RIN3: variants seen among roughly 807,000 people sequenced by gnomAD.
RIN3 encodes the protein Ras and Rab interactor 3, also known as RAB5 interacting protein 3.
RIN3 carries 54 observed loss-of-function variants against 76.3 expected under a neutral mutation model. The ratio of observed to expected loss-of-function variants is 0.71; its 90% CI spans 0.57 to 0.89. The LOEUF (loss-of-function observed/expected upper bound fraction) is 0.89. Among genes scored for constraint, RIN3 ranks in the 40% least tolerant of loss-of-function variants. The pLI, the probability that RIN3 is intolerant of heterozygous loss-of-function variation, is 0.00. For synonymous variants in RIN3, 576 were observed against 564.0 expected (o/e 1.02, Z -0.30); for missense variants, 1,256 against 1,322.1 (o/e 0.95, Z 0.78).
chr14:92,544,567 AG>A (rs1481512051), intron 1 of RIN3, among the ~76,000 whole-genome samples: 1 of 152,194 alleles, frequency 6.6e-6, no homozygotes, highest in African/African-American at 2.4e-5. Context: ...TAAAATGCCA[AG>A]AAAAAACAGC....
In RIN3 at chr14:92,518,283, CT is replaced by C. The variant is rs375888724; in HGVS notation, c.44+4309del. Among the ~76,000 whole-genome samples, 33 of 152,356 alleles carry C rather than the reference CT, an allele frequency of 2.2e-4. No homozygotes were observed. The East Asian group carries it at 5.6e-3, about 26-fold the overall frequency. ...GGGTCAGGTCTTTTAGTTCCATATCCTTGTGTCCTACATGCACTTGGCACTC... is the reference window on the plus strand; with the variant it reads ...GGGTCAGGTCTTTTAGTTCCATATCCTGTGTCCTACATGCACTTGGCACTC... On this transcript the variant is annotated intron_variant, in intron 1 of 9. Transcript: ENST00000216487.
At chr14:92,574,212 C>A (rs1898148016) in intron 2 of RIN3, among the ~76,000 whole-genome samples, 1 of 152,190 alleles carries the variant, frequency 6.6e-6, no homozygotes, top group Non-Finnish European at 1.5e-5. Context: ...GGTCTTCGGT[C>A]CATGGTGAAG....
intron 8 of RIN3, among the ~76,000 whole-genome samples, chr14:92,678,086 C>A (rs998855135): frequency 2.6e-5 from 4 of 151,766 alleles, no homozygotes; most frequent in Non-Finnish European, 5.9e-5. Flanking sequence ...ATCCACCCAT[C>A]CATTCACCCA....
chr14:92,554,063 C>T (rs1897510913), intron 1 of RIN3, among the ~76,000 whole-genome samples: 1 of 152,200 alleles, frequency 6.6e-6, no homozygotes, highest in Admixed American at 6.5e-5. Context: ...CACAGAGACA[C>T]AGGGCAAGAT....
rs911923994 is a variant in RIN3 at position 92,630,305 on chromosome 14, C to A, written c.441-10933C>A. On this transcript the variant is annotated intron_variant, in intron 4 of 9. Coordinates refer to ENST00000216487, the MANE Select transcript of RIN3 (RefSeq NM_024832.5). ...CAGGAGTTCTCAAGACCAGCCTGGG[C>A]AACTTGGTAAAACCGCACTCTACTA... 1.4e-4 allele frequency among the ~76,000 whole-genome samples: 22 copies of A among 152,128 alleles called. 1 individual carries two copies. Among genetic ancestry groups the A allele is most frequent in the Non-Finnish European group, 7.4e-5 (5 of 68,026 alleles).
chr14:92,517,487 C>A (rs1020255773), intron 1 of RIN3, among the ~76,000 whole-genome samples: 4 of 152,112 alleles, frequency 2.6e-5, no homozygotes, highest in African/African-American at 9.7e-5. Context: ...GTAAATGACA[C>A]CCAAGGCCCC....
chr14:92,646,704 GT>G (rs1248435249), intron 5 of RIN3, among the ~76,000 whole-genome samples: 1 of 152,210 alleles, frequency 6.6e-6, no homozygotes, highest in East Asian at 1.9e-4. Context: ...GCCTCCCAAA[GT>G]GCTGGGATTA....
chr14:92,616,807 G>A (rs1885986173), intron 4 of RIN3, among the ~76,000 whole-genome samples: 1 of 152,154 alleles, frequency 6.6e-6, no homozygotes, highest in Non-Finnish European at 1.5e-5. Context: ...AGATTTAATG[G>A]GAACTTCAGG....
chr14:92,555,611 T>A (rs970258496), intron 1 of RIN3, 140 bp from the exon 2 acceptor site: 5 of 782,544 alleles, frequency 6.4e-6, no homozygotes, highest in African/African-American at 1.7e-5. Flanking sequence ...CCATGGTTTG[T>A]TGATTTTTTT....
chr14:92,569,245 C>G (rs547688675), intron 2 of RIN3, among the ~76,000 whole-genome samples: 14 of 152,312 alleles, frequency 9.2e-5, no homozygotes, highest in African/African-American at 3.1e-4. Flanking sequence ...CTAGGTGGAG[C>G]CTGAGACCAG....
intron 3 of RIN3, among the ~76,000 whole-genome samples, chr14:92,600,638 G>A (rs555581654): frequency 1.6e-4 from 24 of 152,280 alleles, no homozygotes; most frequent in South Asian, 1.2e-3. Context: ...CACTGATTTC[G>A]GGTACCCACT....
chr14:92,620,384 A>G (rs1337485366), intron 4 of RIN3, among the ~76,000 whole-genome samples: 4 of 152,234 alleles, frequency 2.6e-5, no homozygotes, highest in Admixed American at 2.6e-4. Context: ...CTCAAATTCT[A>G]TTTACAAGAG....
intron 2 of RIN3, among the ~76,000 whole-genome samples, chr14:92,572,881 T>TG (rs1898104249): frequency 1.6e-5 from 1 of 63,270 alleles, no homozygotes; most frequent in African/African-American, 4.0e-5. Context: ...TTTTTGCTTT[T>TG]TTTTTTTTTT....
chr14:92,681,901 AT>A lies in RIN3; in HGVS notation c.2468-3083del, dbSNP rs1888677068. ...TCTTATTTATTTTTATTTTTTTTTA[AT>A]TTGAGATGAAGTCTCACTCTGTCAC... On this transcript the variant is annotated intron_variant, in intron 8 of 9. Coordinates refer to ENST00000216487, the MANE Select transcript of RIN3 (RefSeq NM_024832.5). The surrounding 1 kb of genome is among the most constrained non-coding windows in gnomAD (Gnocchi z 4.7). Among the ~76,000 whole-genome samples the A allele has an allele frequency of 6.6e-6, 1 of 151,846 alleles. No individual in the cohort carries two copies. Among genetic ancestry groups the A allele is most frequent in the Non-Finnish European group, 1.5e-5 (1 of 67,966 alleles).
intron 2 of RIN3, among the ~76,000 whole-genome samples, chr14:92,557,418 C>G (rs1192442331): frequency 1.3e-5 from 2 of 152,250 alleles, no homozygotes; most frequent in African/African-American, 4.8e-5. Flanking sequence ...CCCCCAGCCA[C>G]CGTGCACTTT....
At chr14:92,591,755 G>A (rs1884985927) in intron 3 of RIN3, among the ~76,000 whole-genome samples, 1 of 151,772 alleles carries the variant, frequency 6.6e-6, no homozygotes, top group African/African-American at 2.4e-5. Flanking sequence ...CAAAAGTGAA[G>A]GAAAAATAAA....
At chr14:92,593,082 G>A (rs1322311148) in intron 3 of RIN3, among the ~76,000 whole-genome samples, 2 of 152,088 alleles carry the variant, frequency 1.3e-5, no homozygotes, top group Non-Finnish European at 2.9e-5. Flanking sequence ...GTGTGAAGCA[G>A]TATAGCGTTA....
chr14:92,520,074 AC>A (rs2139991406), intron 1 of RIN3, among the ~76,000 whole-genome samples: 1 of 152,242 alleles, frequency 6.6e-6, no homozygotes, highest in East Asian at 1.9e-4. Flanking sequence ...TGGCTGCAGA[AC>A]CCCCTGCCCC....
At chr14:92,520,843 A>G (rs1388501376) in intron 1 of RIN3, among the ~76,000 whole-genome samples, 2 of 152,226 alleles carry the variant, frequency 1.3e-5, no homozygotes, top group African/African-American at 4.8e-5. Context: ...CCATGTTCCC[A>G]GCTTCCTTAA....
Sources: allele counts gnomAD v4.1 joint callset (sites outside exome capture counted in the v4.1 genomes callset), GRCh38; gene constraint gnomAD v4.1.1; non-coding constraint Gnocchi (gnomAD v3.1); transcripts MANE v1.5; gene names NCBI Gene and HGNC (gene_info 2026-07-23, HGNC 2026-07-21).